The following ST6GALNAC4 variants were observed in gnomAD, a reference collection of about 807,000 sequenced individuals.
The protein encoded by ST6GALNAC4 is alpha-N-acetyl-neuraminyl-2,3-beta-galactosyl-1,3-N-acetyl-galactosaminide alpha-2,6-sialyltransferase.
In ST6GALNAC4, 24 loss-of-function variants were observed where a neutral mutation model predicts 30.4. That is an observed-to-expected ratio of 0.79 (90% confidence interval 0.57 to 1.11). The LOEUF is 1.11. Ranked by LOEUF, ST6GALNAC4 falls within the 50% of genes most tolerant of loss-of-function variation. The probability of loss-of-function intolerance (pLI) is 0.00; values close to 1 mark genes in which losing one functional copy is unlikely to be tolerated. For missense variants in ST6GALNAC4, 365 were observed against 430.1 expected, an observed-to-expected ratio of 0.85 and a Z score of 1.34; for synonymous variants, 156 against 179.7, an observed-to-expected ratio of 0.87 and a Z score of 1.05.
chr9:127,912,774 G>C, intron 3 of ST6GALNAC4, 94 bp from the exon 4 acceptor site: 2 of 1,400,490 alleles, frequency 1.4e-6, no homozygotes, highest in South Asian at 1.5e-5. Flanking sequence ...AATCTTGCTT[G>C]ATCAGGTATC....
chr9:127,912,681 C>T lies in ST6GALNAC4; in HGVS notation c.199-1G>A. On this transcript the variant is annotated splice_acceptor_variant, in intron 3 of 5. Coordinates refer to ENST00000335791, the MANE Select transcript of ST6GALNAC4 (RefSeq NM_175039.4). LOFTEE classifies it high-confidence loss of function. ...TGCGGCAGGGCTCGCGGACCAGCGG[C>T]TGCAGGGCAGGCAGGGAGAAAGAGA... 6.4e-7 allele frequency: 1 copy of T among 1,564,996 alleles called. No individual in the cohort carries two copies. The highest frequency in any genetic ancestry group is 8.6e-7 in the Non-Finnish European group (1 of 1,157,484).
rs1426005882 is a variant in ST6GALNAC4 at position 127,914,696 on chromosome 9, G to A, written c.158C>T (p.Pro53Leu). 1 of 1,612,950 alleles carries A rather than the reference G, an allele frequency of 6.2e-7. No homozygotes were observed. Among genetic ancestry groups the A allele is most frequent in the Non-Finnish European group, 8.5e-7 (1 of 1,179,466 alleles). ...ACTGCTATATCCACTGAAGTGCAGG[G>A]GTCCCGGCACAGTGGGCCTGGAGCC... ...PTGSRPTVPG[P>L]LHFSGYSSVP... Residue 53 changes from proline (P) to leucine (L), a missense_variant, in exon 3 of 6, where the codon CCC becomes CTC. Transcript: ENST00000335791.
intron 4 of ST6GALNAC4, chr9:127,910,386 TGG>T: frequency 9.0e-7 from 1 of 1,108,400 alleles, no homozygotes; most frequent in Non-Finnish European, 1.1e-6. Flanking sequence ...GGACCAGGCC[TGG>T]GGAGACAGCA....
At chr9:127,916,381 C>G in intron 2 of ST6GALNAC4, 27 bp downstream of exon 2, 1 of 1,614,144 alleles carries the variant, frequency 6.2e-7, no homozygotes, top group Non-Finnish European at 8.5e-7. Context: ...TCTGCGTTCC[C>G]TGGAAGTCCT....
At position 127,910,037 on chromosome 9, in the gene ST6GALNAC4, G is replaced by A. The variant is rs867097979; in HGVS notation, c.633C>T (p.Leu211=). Residue 211 remains leucine (L), a synonymous_variant, in exon 5 of 6, where the codon CTC becomes CTT. Transcript: ENST00000335791. ...GGATCATGGTGAACCAGCCGGTGCT[G>A]AGGAAGGAGCCCGACTGCCTCCTGG... The part of the protein sequence containing the change: ...GKNRRQSGSF[L]STGWFTMILA... 2.5e-6 allele frequency: 4 copies of A among 1,613,516 alleles called. No individual in the cohort carries two copies. The highest frequency in any genetic ancestry group is 3.4e-6 in the Non-Finnish European group (4 of 1,179,940).
intron 5 of ST6GALNAC4, among the ~76,000 whole-genome samples, chr9:127,909,350 C>G (rs1044162887): frequency 6.7e-6 from 1 of 150,360 alleles, no homozygotes; most frequent in Admixed American, 6.6e-5. Context: ...GATCGCGCCA[C>G]TGCACTCCAG....
At chr9:127,910,347 G>A in intron 4 of ST6GALNAC4, 1 of 1,189,960 alleles carries the variant, frequency 8.4e-7, no homozygotes, top group Non-Finnish European at 1.1e-6. Flanking sequence ...GGGTGTGGGG[G>A]CTCTGGCCAC....
chr9:127,909,344 G>A (rs1319516468), intron 5 of ST6GALNAC4, among the ~76,000 whole-genome samples: 29 of 149,984 alleles, frequency 1.9e-4, no homozygotes, highest in African/African-American at 3.4e-4. Context: ...AGCCAAGATC[G>A]CGCCACTGCA....
chr9:127,910,165 A>C (rs1588674173), intron 4 of ST6GALNAC4, 107 bp from the exon 5 acceptor site: 103 of 1,387,504 alleles, frequency 7.4e-5, no homozygotes, highest in East Asian at 6.1e-4. Context: ...ATGCACCTCA[A>C]CCTCTTGCGG....
intron 5 of ST6GALNAC4, 97 bp downstream of exon 5, chr9:127,909,854 C>G: frequency 8.3e-7 from 1 of 1,205,044 alleles, no homozygotes; most frequent in Non-Finnish European, 1.2e-6. Context: ...AGCCCACACT[C>G]CCTCTGCCCC....
rs766251890 is a variant in ST6GALNAC4 at position 127,910,002 on chromosome 9, T to C, written c.668A>G (p.Glu223Gly). 5 of 1,613,214 alleles carry C rather than the reference T, an allele frequency of 3.1e-6. No individual in the cohort carries two copies. The highest frequency in any genetic ancestry group is 4.2e-6 in the Non-Finnish European group (5 of 1,179,950). Reference protein sequence around the residue: ...TGWFTMILALELCEEIVVYGM... With the variant: ...TGWFTMILALGLCEEIVVYGM... ...ATAGACCACGATCTCCTCACACAGC[T>C]CCAGCGCGAGGATCATGGTGAACCA... Residue 223 changes from glutamate (E) to glycine (G), a missense_variant, in exon 5 of 6, where the codon GAG becomes GGG. By Grantham distance (98) the Glu-to-Gly change is moderately conservative (BLOSUM62 -2). Coordinates refer to ENST00000335791, the MANE Select transcript of ST6GALNAC4 (RefSeq NM_175039.4).
chr9:127,909,834 C>G, intron 5 of ST6GALNAC4, 117 bp downstream of exon 5: 1 of 1,007,972 alleles, frequency 9.9e-7, no homozygotes, highest in South Asian at 1.6e-5. Context: ...GCTATGGTCA[C>G]CCACCATGAA....
At chr9:127,908,974 C>T (rs544044774) in intron 5 of ST6GALNAC4, among the ~76,000 whole-genome samples, 7 of 152,300 alleles carry the variant, frequency 4.6e-5, no homozygotes, top group Middle Eastern at 3.4e-3. Flanking sequence ...CAGCCCTGCA[C>T]GCCCACCTCC....
At chr9:127,914,267 G>A (rs935256216) in intron 3 of ST6GALNAC4, among the ~76,000 whole-genome samples, 12 of 150,980 alleles carry the variant, frequency 7.9e-5, no homozygotes, top group African/African-American at 2.9e-4. Flanking sequence ...GGTGGTACAT[G>A]CCTATAATCC....
chr9:127,908,585 C>T lies in ST6GALNAC4; in HGVS notation c.720-4G>A, dbSNP rs552086707. 40 of 1,375,820 alleles carry T rather than the reference C, an allele frequency of 2.9e-5. No individual in the cohort carries two copies. The highest frequency in any genetic ancestry group is 1.1e-4 in the Admixed American group (6 of 53,210). The allele number at this position is 1,375,820 out of a possible 1,614,324, so 85.2% of individuals were successfully genotyped here. On this transcript the variant is annotated splice_region_variant and splice_polypyrimidine_tract_variant and intron_variant, in intron 5 of 5. Coordinates refer to ENST00000335791, the MANE Select transcript of ST6GALNAC4 (RefSeq NM_175039.4). The stretch of plus-strand genomic sequence containing the variant: ...CACTGAGGGGTGGCTCTTCTCCCTG[C>T]GGGGTGGGGAACAGGGCTGGGGTGG...
intron 3 of ST6GALNAC4, among the ~76,000 whole-genome samples, chr9:127,913,755 C>T (rs957800258): frequency 5.3e-5 from 8 of 152,108 alleles, no homozygotes; most frequent in Non-Finnish European, 8.8e-5. Context: ...ATGGTGAAAC[C>T]CCATCTCTAA....
chr9:127,915,000 T>G, intron 2 of ST6GALNAC4, 159 bp from the exon 3 acceptor site: 2 of 574,186 alleles, frequency 3.5e-6, no homozygotes, highest in Non-Finnish European at 2.8e-6. Flanking sequence ...GGGCCTTACC[T>G]GGGGATGCCA....
At position 127,910,047 on chromosome 9, in the gene ST6GALNAC4, C is replaced by A. The variant is rs761380594; in HGVS notation, c.623G>T (p.Gly208Val). 4 of 1,613,226 alleles carry A rather than the reference C, an allele frequency of 2.5e-6. No individual in the cohort carries two copies. In the South Asian group the frequency reaches 3.3e-5, roughly 13 times the overall value. Residue 208 changes from glycine to valine, a missense_variant, in exon 5 of 6, where the codon GGC becomes GTC. Transcript: ENST00000335791. ...DETGKNRRQS[G>V]SFLSTGWFTM... Reference sequence around the variant, plus strand: ...GAACCAGCCGGTGCTGAGGAAGGAGCCCGACTGCCTCCTGGGGGTGGCGGG... The same window carrying A: ...GAACCAGCCGGTGCTGAGGAAGGAGACCGACTGCCTCCTGGGGGTGGCGGG...
intron 4 of ST6GALNAC4, 48 bp from the exon 5 acceptor site, chr9:127,910,106 T>TGGTA: frequency 3.8e-6 from 6 of 1,598,806 alleles, no homozygotes; most frequent in Non-Finnish European, 4.3e-6. Context: ...AGAGGCCATG[T>TGGTA]GGTAGCTCCA....
Sources: gnomAD v4.1 joint callset for allele counts (sites outside exome capture counted in the v4.1 genomes callset) on GRCh38, gnomAD v4.1.1 for gene constraint, MANE v1.5 for transcripts, NCBI Gene and HGNC (gene_info 2026-07-23, HGNC 2026-07-21) for gene names.